The following CPEB1 variants were observed in gnomAD, a reference collection of about 807,000 sequenced individuals.
The protein encoded by CPEB1 is cytoplasmic polyadenylation element binding protein 1.
In CPEB1, 7 loss-of-function variants were observed where a neutral mutation model predicts 65.8. That is an observed-to-expected ratio of 0.11 (90% confidence interval 0.06 to 0.20). CPEB1 has a LOEUF of 0.20. CPEB1 is among the 10% of genes least tolerant of loss of function. The probability of loss-of-function intolerance (pLI) is 1.00; values close to 1 mark genes in which losing one functional copy is unlikely to be tolerated. For synonymous variants in CPEB1, 262 were observed against 260.0 expected (o/e 1.01, Z -0.08); for missense variants, 551 against 712.2 (o/e 0.77, Z 2.58).
At chr15:82,576,661 G>GA (rs1220446559) in intron 3 of CPEB1, among the ~76,000 whole-genome samples, 3 of 152,004 alleles carry the variant, frequency 2.0e-5, no homozygotes, top group Non-Finnish European at 2.9e-5. Context: ...AAAATGTTGA[G>GA]AAAAAAATAA....
chr15:82,633,964 T>TAAAA (rs112776351), intron 1 of CPEB1, among the ~76,000 whole-genome samples: 7 of 133,236 alleles, frequency 5.3e-5, no homozygotes, highest in Non-Finnish European at 9.7e-5. Flanking sequence ...CCTAAAGGTA[T>TAAAA]AAAAAAAAAA....
chr15:82,562,558 G>A (rs1252860390), intron 4 of CPEB1, among the ~76,000 whole-genome samples: 1 of 151,924 alleles, frequency 6.6e-6, no homozygotes, highest in Non-Finnish European at 1.5e-5. Flanking sequence ...TGGAGGTTAT[G>A]GCCAAGTGCA....
intron 1 of CPEB1, chr15:82,629,293 C>G (rs1352561121): frequency 1.0e-6 from 1 of 985,020 alleles, no homozygotes; most frequent in East Asian, 1.1e-4. Flanking sequence ...TCTGCAAACA[C>G]TAATTATTGA....
intron 3 of CPEB1, among the ~76,000 whole-genome samples, chr15:82,578,823 T>C (rs1352907928): frequency 6.6e-6 from 1 of 152,102 alleles, no homozygotes; most frequent in African/African-American, 2.4e-5. Flanking sequence ...CAAAATTACA[T>C]GTTTTTTTGT....
At chr15:82,626,742 C>T (rs868676075) in intron 3 of CPEB1, among the ~76,000 whole-genome samples, 4 of 152,226 alleles carry the variant, frequency 2.6e-5, no homozygotes, top group Non-Finnish European at 2.9e-5. Flanking sequence ...TTGAGATATG[C>T]TTGTAAAATC....
At chr15:82,594,721 T>C (rs1346254860) in intron 3 of CPEB1, among the ~76,000 whole-genome samples, 1 of 152,182 alleles carries the variant, frequency 6.6e-6, no homozygotes, top group Non-Finnish European at 1.5e-5. Flanking sequence ...TCTTCCTCAC[T>C]AAGCTTCATC....
In CPEB1 at chr15:82,552,522, T is replaced by C; in HGVS notation, c.1239A>G (p.Glu413=). 1.2e-6 allele frequency: 2 copies of C among 1,602,190 alleles called. No individual in the cohort carries two copies. Among genetic ancestry groups the C allele is most frequent in the Non-Finnish European group, 1.7e-6 (2 of 1,176,048 alleles). Residue 413 remains glutamate, a synonymous_variant, in exon 9 of 13, where the codon GAA becomes GAG. Coordinates refer to ENST00000684509, the MANE Select transcript of CPEB1 (RefSeq NM_001365242.1). The part of the protein sequence containing the change: ...HDPLSPDGLS[E]YYFKMSSRRM... The stretch of plus-strand genomic sequence containing the variant: ...TTCGGCTGGACATCTTGAAATAATA[T>C]TCACTCAGGCCATCTGGGCTCAGCG...
rs1028373374 is a variant in CPEB1, at chr15:82,555,793, G to A, written c.940+77C>T. On this transcript the variant is annotated intron_variant, in intron 6 of 12. Transcript: ENST00000684509. ...CAAGCCTCCTCTAGACAGTTCACAA[G>A]TGTGTGAACTAAGGTCACTTCCTCT... 1.2e-5 allele frequency: 17 copies of A among 1,466,008 alleles called. No homozygotes were observed. In the African/African-American group the frequency reaches 1.3e-4, roughly 11 times the overall value. 90.8% of individuals were successfully genotyped at this position (1,466,008 alleles called of 1,614,324 possible).
chr15:82,630,620 A>G (rs2046160889), intron 1 of CPEB1, among the ~76,000 whole-genome samples: 1 of 152,064 alleles, frequency 6.6e-6, no homozygotes. Flanking sequence ...AAAAAAAGAA[A>G]GAAAAAGAAC....
rs1038316302 is a variant in CPEB1 at position 82,627,269 on chromosome 15, G to T, written c.195C>A (p.Ala65=). 9.9e-6 allele frequency: 16 copies of T among 1,613,412 alleles called. No homozygotes were observed. Among genetic ancestry groups the T allele is most frequent in the Admixed American group, 1.7e-5 (1 of 60,002 alleles). The part of the protein sequence containing the change: ...SNANIFRRIN[A]ILDNSLDFSR... ...TGAAATCCAGAGAATTATCCAATATGGCATTTATCCTTCGAAAGATATTGG... is the reference window on the plus strand; with the variant it reads ...TGAAATCCAGAGAATTATCCAATATTGCATTTATCCTTCGAAAGATATTGG... The change falls in exon 3 of 13, where the codon GCC becomes GCA. Residue 65 remains alanine (A), a synonymous_variant. Transcript: ENST00000684509.
At chr15:82,567,939 G>A (rs2039423324) in intron 4 of CPEB1, among the ~76,000 whole-genome samples, 1 of 152,206 alleles carries the variant, frequency 6.6e-6, no homozygotes, top group South Asian at 2.1e-4. Context: ...CAGGGATCAA[G>A]ATGGGGCTGG....
At chr15:82,545,803 T>A (rs2035082518) in intron 12 of CPEB1, among the ~76,000 whole-genome samples, 1 of 152,062 alleles carries the variant, frequency 6.6e-6, no homozygotes, top group African/African-American at 2.4e-5. Flanking sequence ...AAAATCAGCT[T>A]AGAAGGCTTC....
chr15:82,552,609 C>A lies in CPEB1; in HGVS notation c.1152G>T (p.Val384=). ...ACTTCTCTAGTTCGAAGACCAGATA[C>A]ACATACCCTATTCCCAATGAGAGGA... The part of the protein sequence containing the change: ...KHPRCPPKGY[V]YLVFELEKSV... The change falls in exon 9 of 13, where the codon GTG becomes GTT. Residue 384 remains valine (V), a synonymous_variant. Coordinates refer to ENST00000684509, the MANE Select transcript of CPEB1 (RefSeq NM_001365242.1). 6.2e-7 allele frequency: 1 copy of A among 1,614,138 alleles called. No individual in the cohort carries two copies. The highest frequency in any genetic ancestry group is 8.5e-7 in the Non-Finnish European group (1 of 1,179,980).
At position 82,555,989 on chromosome 15, in the gene CPEB1, G is replaced by T. The variant is rs2037132225; in HGVS notation, c.821C>A (p.Pro274Gln). Residue 274 changes from proline (P) to glutamine (Q), a missense_variant, in exon 6 of 13, where the codon CCA (proline) becomes CAA (glutamine). Transcript: ENST00000684509. ...QAALAAVTPS[P>Q]TSASKRWPGA... ...TGGCCATCTCTTTGAAGCACTGGTT[G>T]GGGAGGGAGTGACTGCAGCAAGAGC... 1 of 1,613,698 alleles carries T rather than the reference G, an allele frequency of 6.2e-7. No individual in the cohort carries two copies. Among genetic ancestry groups the T allele is most frequent in the African/African-American group, 1.3e-5 (1 of 74,876 alleles).
At chr15:82,558,643 A>G (rs896055701) in intron 4 of CPEB1, among the ~76,000 whole-genome samples, 1 of 152,178 alleles carries the variant, frequency 6.6e-6, no homozygotes, top group Admixed American at 6.5e-5. Flanking sequence ...TATGTCTGTG[A>G]GCTCTGGGAA....
intron 3 of CPEB1, among the ~76,000 whole-genome samples, chr15:82,612,391 G>T (rs1327080982): frequency 1.3e-5 from 2 of 151,722 alleles, no homozygotes; most frequent in Non-Finnish European, 1.5e-5. Flanking sequence ...CAGCTACTTG[G>T]GAGGCTGAGG....
upstream of CPEB1, chr15:82,647,537 G>A (rs1033945346): frequency 2.1e-5 from 6 of 283,166 alleles, no homozygotes; most frequent in African/African-American, 1.3e-4. Context: ...CTTTATGTCC[G>A]GTCAGCTCCC....
intron 3 of CPEB1, among the ~76,000 whole-genome samples, chr15:82,573,505 A>G (rs947174516): frequency 1.3e-5 from 2 of 152,066 alleles, no homozygotes; most frequent in Admixed American, 1.3e-4. Context: ...CTTCAAAAAC[A>G]TCCATATTTA....
chr15:82,552,755 G>A (rs182628216), intron 8 of CPEB1, 139 bp from the exon 9 acceptor site: 53 of 919,978 alleles, frequency 5.8e-5, no homozygotes, highest in Admixed American at 2.7e-4. Context: ...CTGAAAAGTC[G>A]TGTTGAGTGG....
Sources: allele counts gnomAD v4.1 joint callset (sites outside exome capture counted in the v4.1 genomes callset), GRCh38; gene constraint gnomAD v4.1.1; transcripts MANE v1.5; gene names NCBI Gene and HGNC (gene_info 2026-07-23, HGNC 2026-07-21).